The following SFMBT1 variants were observed in gnomAD, a reference collection of about 807,000 sequenced individuals.
SFMBT1 encodes Scm like with four mbt domains 1, also known as scm-like with four MBT domains protein 1.
In SFMBT1, 32 loss-of-function variants were observed where a neutral mutation model predicts 108.7. That is an observed-to-expected ratio of 0.29 (90% CI 0.22 to 0.40). The LOEUF (loss-of-function observed/expected upper bound fraction) is 0.40, where lower values mean the gene tolerates loss of function less well. Ranked by LOEUF, SFMBT1 falls within the 10% of genes least tolerant of loss-of-function variation. SFMBT1 has a pLI of 1.00. For missense variants in SFMBT1, 816 were observed against 1,059.6 expected, an observed-to-expected ratio of 0.77 and a Z score of 3.19; for synonymous variants, 348 against 369.5, an observed-to-expected ratio of 0.94 and a Z score of 0.67.
At position 52,916,319 on chromosome 3, in the gene SFMBT1, C is replaced by T. The variant is rs1354020994; in HGVS notation, c.1416-105G>A. The T allele has an allele frequency of 3.2e-5, 27 of 848,244 alleles. 1 individual carries two copies. The highest frequency in any genetic ancestry group is 2.2e-4 in the South Asian group (14 of 63,560). The allele number at this position is 848,244 out of a possible 1,614,324, so 52.5% of individuals were successfully genotyped here. A position where few individuals can be genotyped will look rare whatever the true frequency, so the allele number is the denominator to read the frequency against. On this transcript the variant is annotated intron_variant, in intron 13 of 20. Coordinates refer to ENST00000394752, the MANE Select transcript of SFMBT1 (RefSeq NM_016329.4). ...AAGAAGAAAGCAAATGTGGCATGTT[C>T]GCAAAATCTGTAACAGAAGGTACTC...
intron 4 of SFMBT1, among the ~76,000 whole-genome samples, chr3:52,940,550 C>T (rs1451598685): frequency 6.6e-6 from 1 of 152,076 alleles, no homozygotes; most frequent in Non-Finnish European, 1.5e-5. Flanking sequence ...TATACACATA[C>T]ATACATAAAT....
At chr3:52,959,227 T>A (rs1291932379) in intron 2 of SFMBT1, among the ~76,000 whole-genome samples, 2 of 152,182 alleles carry the variant, frequency 1.3e-5, no homozygotes, top group Admixed American at 6.5e-5. Flanking sequence ...CCATGGCACA[T>A]GTTTACCCAT....
chr3:52,911,162 A>G lies in SFMBT1; in HGVS notation c.1747T>C (p.Tyr583His). The G allele has an allele frequency of 6.2e-7, 1 of 1,609,454 alleles. No homozygotes were observed. The highest frequency in any genetic ancestry group is 8.5e-7 in the Non-Finnish European group (1 of 1,178,034). Residue 583 changes from tyrosine to histidine, a missense_variant, in exon 17 of 21, where the codon TAT becomes CAT. Around this residue, in one of 5 missense-constraint regions of SFMBT1, gnomAD observed 79 missense variants for 120.8 expected, o/e 0.65. Coordinates refer to ENST00000394752, the MANE Select transcript of SFMBT1 (RefSeq NM_016329.4). ...VLKAKYKGKS[Y>H]RATVEIVKTA... is the part of the protein sequence containing the mutation. ...TTCACTATCTCAACAGTAGCCCGAT[A>G]ACTCTTTCCTTTATATCTGCCATTG...
chr3:53,036,012 G>C lies in SFMBT1; in HGVS notation c.-131+9804C>G, dbSNP rs552912845. Reference sequence around the variant, plus strand: ...AGGTGTCTTTCCTTTTCCTTGGCAAGGTTCATCACTGGCACTAGTTTTACA... The same window carrying C: ...AGGTGTCTTTCCTTTTCCTTGGCAACGTTCATCACTGGCACTAGTTTTACA... On this transcript the variant is annotated intron_variant, in intron 1 of 20. Transcript: ENST00000394752. 2.6e-5 allele frequency among the ~76,000 whole-genome samples: 4 copies of C among 152,298 alleles called. No individual in the cohort carries two copies. The South Asian group carries it at 8.3e-4, about 32-fold the overall frequency.
At chr3:53,029,684 C>G (rs1301603211) in intron 1 of SFMBT1, among the ~76,000 whole-genome samples, 4 of 152,196 alleles carry the variant, frequency 2.6e-5, no homozygotes, top group African/African-American at 9.6e-5. Flanking sequence ...AGGCCTTAGG[C>G]TTCAAAAGCA....
At chr3:53,045,071 T>C (rs1047893110) in intron 1 of SFMBT1, 2 of 152,046 alleles carry the variant, frequency 1.3e-5, no homozygotes, top group South Asian at 4.1e-4. Flanking sequence ...AATCGGACTT[T>C]AGGAACAGAA....
intron 8 of SFMBT1, among the ~76,000 whole-genome samples, chr3:52,928,880 A>C (rs974974172): frequency 6.7e-6 from 1 of 149,868 alleles, no homozygotes; most frequent in Non-Finnish European, 1.5e-5. Context: ...ATTTTTTTTA[A>C]TTTTTGTAGA....
intron 1 of SFMBT1, among the ~76,000 whole-genome samples, chr3:53,041,033 G>C (rs1194070177): frequency 1.7e-5 from 2 of 120,296 alleles, no homozygotes; most frequent in South Asian, 2.7e-4. Flanking sequence ...ATGTTGTCCA[G>C]GCTGGTATCA....
intron 1 of SFMBT1, among the ~76,000 whole-genome samples, chr3:52,984,747 TGTGTG>T (rs1254976820): frequency 1.3e-5 from 2 of 150,716 alleles, no homozygotes; most frequent in Non-Finnish European, 3.0e-5. Flanking sequence ...TGTGTGTGTG[TGTGTG>T]TGTGTGTGTG....
intron 1 of SFMBT1, among the ~76,000 whole-genome samples, chr3:52,995,681 T>C (rs1473552145): frequency 6.7e-6 from 1 of 150,020 alleles, no homozygotes; most frequent in Non-Finnish European, 1.5e-5. Context: ...ATTACAAGTG[T>C]GAGCTATTGC....
At chr3:52,974,605 T>G (rs925932198) in intron 1 of SFMBT1, among the ~76,000 whole-genome samples, 1 of 152,148 alleles carries the variant, frequency 6.6e-6, no homozygotes, top group African/African-American at 2.4e-5. Context: ...CACTGCTACA[T>G]GTCTGACTAG....
At chr3:53,044,626 T>C (rs893342932) in intron 1 of SFMBT1, among the ~76,000 whole-genome samples, 1 of 152,174 alleles carries the variant, frequency 6.6e-6, no homozygotes, top group Admixed American at 6.5e-5. Context: ...CCAGATGCAA[T>C]AAAATTAAGA....
At chr3:52,965,993 A>G (rs62253610) in intron 2 of SFMBT1, among the ~76,000 whole-genome samples, 4,231 of 113,426 alleles carry the variant, frequency 0.037, 115 homozygotes, top group Non-Finnish European at 0.058. Context: ...GCGACAGAGC[A>G]AGACTCCGTT....
At chr3:52,995,839 A>AG (rs1330087839) in intron 1 of SFMBT1, among the ~76,000 whole-genome samples, 1 of 149,814 alleles carries the variant, frequency 6.7e-6, no homozygotes, top group African/African-American at 2.4e-5. Context: ...TGGGAGGCTG[A>AG]GGCGGGTGGA....
Position 52,996,206 on chromosome 3 carries a change from C to CTTT in SFMBT1, c.-130-26951_-130-26949dup, listed in dbSNP as rs35167235. On this transcript the variant is annotated intron_variant, in intron 1 of 20. Coordinates refer to ENST00000394752, the MANE Select transcript of SFMBT1 (RefSeq NM_016329.4). Reference sequence around the variant, plus strand: ...AAAAAGCTCTTAAAAATAAACAATCCTTTTTTTTTTTTTTTTTTTTTTTGA... The same window carrying CTTT: ...AAAAAGCTCTTAAAAATAAACAATCCTTTTTTTTTTTTTTTTTTTTTTTTTTGA... Among the ~76,000 whole-genome samples the CTTT allele has an allele frequency of 8.2e-3, 726 of 88,120 alleles. 8 individuals are homozygous for CTTT. Among genetic ancestry groups the CTTT allele is most frequent in the African/African-American group, 0.013 (273 of 21,576 alleles). 57.8% of individuals were successfully genotyped at this position (88,120 alleles called of 152,430 possible).
intron 3 of SFMBT1, among the ~76,000 whole-genome samples, chr3:52,947,542 G>A (rs1703413243): frequency 6.6e-6 from 1 of 151,954 alleles, no homozygotes. Context: ...ATTTCTTTTG[G>A]GAAATGCTTA....
chr3:52,979,568 C>A lies in SFMBT1; in HGVS notation c.-130-10310G>T, dbSNP rs1191829733. Among the ~76,000 whole-genome samples, 5 of 152,310 alleles carry A rather than the reference C, an allele frequency of 3.3e-5. No homozygotes were observed. The East Asian group carries it at 9.6e-4, about 29-fold the overall frequency. On this transcript the variant is annotated intron_variant, in intron 1 of 20. Coordinates refer to ENST00000394752, the MANE Select transcript of SFMBT1 (RefSeq NM_016329.4). ...CCACCCACATTCCACTAATTAAAAT[C>A]CGGTCACAAGACCCCATCCAACTAC... is the stretch of plus-strand genomic sequence containing the variant.
chr3:52,918,374 A>T (rs1009993833), intron 13 of SFMBT1, 110 bp downstream of exon 13: 24 of 794,878 alleles, frequency 3.0e-5, no homozygotes, highest in Non-Finnish European at 4.4e-5. Flanking sequence ...TCAAATGTTG[A>T]ATTAAAAAAT....
chr3:52,941,025 C>T (rs1459732038), intron 4 of SFMBT1, among the ~76,000 whole-genome samples: 1 of 151,770 alleles, frequency 6.6e-6, no homozygotes, highest in Non-Finnish European at 1.5e-5. Flanking sequence ...ATGTCAAGTT[C>T]AAAAAAGAAA....
Sources: allele counts gnomAD v4.1 joint callset (sites outside exome capture counted in the v4.1 genomes callset), GRCh38; gene constraint gnomAD v4.1.1; regional missense constraint gnomAD v4.1.1; transcripts MANE v1.5; gene names NCBI Gene and HGNC (gene_info 2026-07-23, HGNC 2026-07-21).